Variants in ADAMTS2 observed in about 807,000 individuals in gnomAD.
The protein encoded by ADAMTS2 is A disintegrin and metalloproteinase with thrombospondin motifs 2.
In ADAMTS2, 50 loss-of-function variants were observed where a neutral mutation model predicts 123.0. That is an observed-to-expected ratio of 0.41 (90% CI 0.32 to 0.51). ADAMTS2 has a LOEUF of 0.51. ADAMTS2 is among the 20% of genes least tolerant of loss of function. ADAMTS2 has a pLI of 0.35. For missense variants in ADAMTS2, 1,494 were observed against 1,705.2 expected, an observed-to-expected ratio of 0.88 and a Z score of 2.18; for synonymous variants, 678 against 695.4, an observed-to-expected ratio of 0.98 and a Z score of 0.39.
At position 179,140,001 on chromosome 5, in the gene ADAMTS2, G is replaced by A. The variant is rs1395544949; in HGVS notation, c.1664C>T (p.Pro555Leu). Residue 555 changes from proline (P) to leucine (L), a missense_variant, in exon 11 of 22, where the codon CCT becomes CTT. Pro to Leu is a moderately conservative substitution (Grantham distance 98). This residue lies in a region of ADAMTS2 where 953 missense variants were observed against 1,124.7 expected (regional missense o/e 0.85). Transcript: ENST00000251582. ...CFKGHCIWLT[P>L]DILKRDGSWG... ...GCTGCCGTCCCGTTTGAGGATGTCA[G>A]GTGTCAGCCAGATGCAGTGTCCTTT... The A allele has an allele frequency of 1.9e-6, 3 of 1,614,048 alleles. No individual in the cohort carries two copies. Among genetic ancestry groups the A allele is most frequent in the Non-Finnish European group, 2.5e-6 (3 of 1,180,042 alleles).
chr5:179,171,564 T>A (rs1201800586), intron 5 of ADAMTS2, among the ~76,000 whole-genome samples: 1 of 152,196 alleles, frequency 6.6e-6, no homozygotes, highest in Non-Finnish European at 1.5e-5. Context: ...CCGGCTCTTC[T>A]GGCAGTCTAC....
At chr5:179,183,079 T>C (rs1049382592) in intron 4 of ADAMTS2, among the ~76,000 whole-genome samples, 1 of 152,214 alleles carries the variant, frequency 6.6e-6, no homozygotes, top group Non-Finnish European at 1.5e-5. Context: ...CGGTTTTTCA[T>C]TGCTGGTAAA....
At position 179,207,502 on chromosome 5, in the gene ADAMTS2, A is replaced by ACCCCCCCC; in HGVS notation, c.891+10_891+11insGGGGGGGG. 1 of 727,556 alleles carries ACCCCCCCC rather than the reference A, an allele frequency of 1.4e-6. No individual in the cohort carries two copies. The highest frequency in any genetic ancestry group is 2.0e-6 in the Non-Finnish European group (1 of 493,626). The allele number at this position is 727,556 out of a possible 1,614,324, so 45.1% of individuals were successfully genotyped here. A position where few individuals can be genotyped will look rare whatever the true frequency, so the allele number is the denominator to read the frequency against. On this transcript the variant is annotated intron_variant, in intron 4 of 21. Transcript: ENST00000251582. ...CCCGCCCCACCCTGCCCCCTCAGCCACCCCACTCACAATGTTCATGAGTGT... is the reference window on the plus strand; with the variant it reads ...CCCGCCCCACCCTGCCCCCTCAGCCACCCCCCCCCCCCACTCACAATGTTCATGAGTGT...
Position 179,117,952 on chromosome 5 carries a change from G to A in ADAMTS2, c.3179-3628C>T, listed in dbSNP as rs1409843124. Among the ~76,000 whole-genome samples the A allele has an allele frequency of 6.6e-6, 1 of 152,184 alleles. No individual in the cohort carries two copies. Among genetic ancestry groups the A allele is most frequent in the Non-Finnish European group, 1.5e-5 (1 of 68,032 alleles). ...TGACTACCTGGCCCTTTACAGAAAA[G>A]GTTGACTGATCGTGGGTCAAGTGCA... On this transcript the variant is annotated intron_variant, in intron 21 of 21. Coordinates refer to ENST00000251582, the MANE Select transcript of ADAMTS2 (RefSeq NM_014244.5). This position sits in a 1 kb window ranked among gnomAD's most constrained non-coding sequence, Gnocchi z 4.2.
Position 179,207,698 on chromosome 5 carries a change from G to A in ADAMTS2, c.706C>T (p.Leu236=), listed in dbSNP as rs2113374688. The change falls in exon 4 of 22, where the codon CTG becomes TTG. Residue 236 remains leucine, a synonymous_variant. Transcript: ENST00000251582. ...CCCAGGGCGCGGCTGAGGCTGTCCA[G>A]GCTGTCCAGGGAGGCCCCTGCAAGG... The part of the protein sequence containing the change: ...ALDTGASLDS[L]DSLSRALGVL... 3 of 1,611,942 alleles carry A rather than the reference G, an allele frequency of 1.9e-6. No homozygotes were observed. The highest frequency in any genetic ancestry group is 2.5e-6 in the Non-Finnish European group (3 of 1,179,990).
intron 8 of ADAMTS2, 63 bp from the exon 9 acceptor site, chr5:179,153,686 G>T: frequency 6.5e-7 from 1 of 1,547,550 alleles, no homozygotes; most frequent in Non-Finnish European, 8.7e-7. Flanking sequence ...CAGCCCTGGA[G>T]GCAGCTGAGG....
At chr5:179,240,049 G>A (rs111712262) in intron 3 of ADAMTS2, among the ~76,000 whole-genome samples, 27 of 152,176 alleles carry the variant, frequency 1.8e-4, no homozygotes, top group Non-Finnish European at 1.0e-4. Flanking sequence ...CCACCTAGGG[G>A]GTGCTGCTGA....
chr5:179,222,083 C>T (rs902884954), intron 3 of ADAMTS2, among the ~76,000 whole-genome samples: 5 of 152,090 alleles, frequency 3.3e-5, no homozygotes, highest in Admixed American at 1.3e-4. Context: ...CCTGCAGGGA[C>T]GGGGGTTCCT....
intron 20 of ADAMTS2, 37 bp from the exon 21 acceptor site, chr5:179,121,787 C>G (rs1453789791): frequency 1.4e-6 from 2 of 1,455,346 alleles, no homozygotes; most frequent in Non-Finnish European, 9.3e-7. Context: ...CCGCAGGGCA[C>G]CAGGCTGGGG....
chr5:179,142,186 A>G (rs1561775550), intron 10 of ADAMTS2, among the ~76,000 whole-genome samples: 2 of 152,320 alleles, frequency 1.3e-5, no homozygotes, highest in Admixed American at 1.3e-4. Flanking sequence ...GTCAAAAACA[A>G]CAAGGGTCTT....
chr5:179,129,885 A>T lies in ADAMTS2; in HGVS notation c.2457+47T>A. The T allele has an allele frequency of 6.2e-7, 1 of 1,601,748 alleles. No individual in the cohort carries two copies. The highest frequency in any genetic ancestry group is 8.5e-7 in the Non-Finnish European group (1 of 1,171,554). Reference sequence around the variant, plus strand: ...TCCCAGGCACCCCCATCCCTCCCCCAGTGGCCACCCGCACCCTTCCCTGGG... The same window carrying T: ...TCCCAGGCACCCCCATCCCTCCCCCTGTGGCCACCCGCACCCTTCCCTGGG... On this transcript the variant is annotated intron_variant, in intron 16 of 21. Transcript: ENST00000251582. The surrounding 1 kb of genome is among the most constrained non-coding windows in gnomAD (Gnocchi z 4.1).
At chr5:179,140,162 C>T in intron 10 of ADAMTS2, 127 bp from the exon 11 acceptor site, 1 of 1,366,902 alleles carries the variant, frequency 7.3e-7, no homozygotes, top group East Asian at 2.3e-5. Context: ...GGGAGCTCAC[C>T]CTCCTCGCCC....
chr5:179,147,965 G>T (rs1197868890), intron 10 of ADAMTS2, among the ~76,000 whole-genome samples: 1 of 152,132 alleles, frequency 6.6e-6, no homozygotes, highest in South Asian at 2.1e-4. Flanking sequence ...CTCTCCCAGG[G>T]TCTCGGAAGG....
chr5:179,276,974 C>T (rs1247347136), intron 2 of ADAMTS2, among the ~76,000 whole-genome samples: 1 of 152,148 alleles, frequency 6.6e-6, no homozygotes. Context: ...GTCTCCCTGA[C>T]CAGCAGGGGT....
chr5:179,218,154 C>G (rs1290997335), intron 3 of ADAMTS2, among the ~76,000 whole-genome samples: 1 of 152,216 alleles, frequency 6.6e-6, no homozygotes, highest in Non-Finnish European at 1.5e-5. Context: ...AGAATGCCAG[C>G]CCAGTTCCTG....
At chr5:179,337,762 G>C (rs543998212) in intron 2 of ADAMTS2, among the ~76,000 whole-genome samples, 2 of 152,148 alleles carry the variant, frequency 1.3e-5, no homozygotes, top group Non-Finnish European at 2.9e-5. Flanking sequence ...GCTGCTGAGC[G>C]GATGTCCCTG....
chr5:179,126,779 ACCT>A (rs1037035395), intron 17 of ADAMTS2, among the ~76,000 whole-genome samples: 5 of 152,030 alleles, frequency 3.3e-5, no homozygotes, highest in African/African-American at 1.2e-4. Flanking sequence ...ATAAAGCCTG[ACCT>A]CCTCTGGGTG....
intron 21 of ADAMTS2, chr5:179,121,450 C>A: frequency 2.5e-6 from 1 of 397,420 alleles, no homozygotes; most frequent in East Asian, 3.6e-5. Flanking sequence ...CAGGTTCGGC[C>A]CCAGCAGAGG....
chr5:179,284,643 TC>T (rs1755966419), intron 2 of ADAMTS2, among the ~76,000 whole-genome samples: 1 of 152,144 alleles, frequency 6.6e-6, no homozygotes, highest in South Asian at 2.1e-4. Flanking sequence ...CACCTCGGCC[TC>T]CCAAAGTGCT....
Sources: allele counts gnomAD v4.1 joint callset (sites outside exome capture counted in the v4.1 genomes callset), GRCh38; gene constraint gnomAD v4.1.1; regional missense constraint gnomAD v4.1.1; non-coding constraint Gnocchi (gnomAD v3.1); transcripts MANE v1.5; gene names NCBI Gene and HGNC (gene_info 2026-07-23, HGNC 2026-07-21).